The following PKHD1 variants were observed in gnomAD, a reference collection of about 807,000 sequenced individuals.
PKHD1 encodes the protein PKHD1 ciliary IPT domain containing fibrocystin/polyductin, also known as fibrocystin.
In PKHD1, 291 loss-of-function variants were observed where a neutral mutation model predicts 412.0. That is an observed-to-expected ratio of 0.71 (90% CI 0.64 to 0.78). PKHD1 has a LOEUF of 0.78. Ranked by LOEUF, PKHD1 falls within the 30% of genes least tolerant of loss-of-function variation. PKHD1 has a pLI of 0.00. For synonymous variants in PKHD1, 1,777 were observed against 1,821.5 expected (o/e 0.98, Z 0.62); for missense variants, 4,825 against 4,950.7 (o/e 0.97, Z 0.76).
intron 50 of PKHD1, among the ~76,000 whole-genome samples, chr6:51,843,289 T>A (rs368192103): frequency 6.6e-6 from 1 of 152,204 alleles, no homozygotes; most frequent in South Asian, 2.1e-4. Context: ...TGTCAGCAGA[T>A]GTAGCCAGTA....
At chr6:51,772,904 T>C (rs573193676) in intron 54 of PKHD1, 115 bp from the exon 55 acceptor site, 17 of 723,810 alleles carry the variant, frequency 2.3e-5, no homozygotes, top group African/African-American at 2.2e-4. Flanking sequence ...AGAATCTCTA[T>C]ATGAAGGTCC....
chr6:51,669,958 T>C (rs1235387902), intron 60 of PKHD1, among the ~76,000 whole-genome samples: 1 of 151,318 alleles, frequency 6.6e-6, no homozygotes, highest in African/African-American at 2.4e-5. Flanking sequence ...AGGAGAGCTT[T>C]ACTTCCAACT....
intron 35 of PKHD1, among the ~76,000 whole-genome samples, chr6:51,998,871 G>A (rs1049494835): frequency 6.6e-6 from 1 of 152,002 alleles, no homozygotes; most frequent in African/African-American, 2.4e-5. Flanking sequence ...TTACATTTAT[G>A]TTGGCTCCAT....
At chr6:51,978,665 G>A (rs1428051299) in intron 35 of PKHD1, among the ~76,000 whole-genome samples, 1 of 152,206 alleles carries the variant, frequency 6.6e-6, no homozygotes, top group African/African-American at 2.4e-5. Context: ...CCAAGCAGGA[G>A]AGGAGGTAAT....
chr6:51,831,763 C>A (rs2151516968), intron 51 of PKHD1, among the ~76,000 whole-genome samples: 1 of 152,286 alleles, frequency 6.6e-6, no homozygotes, highest in East Asian at 1.9e-4. Context: ...CAACCAGTTT[C>A]TATTGATTCT....
chr6:51,867,231 G>T lies in PKHD1; in HGVS notation c.7733+632C>A, dbSNP rs555180021. On this transcript the variant is annotated intron_variant, in intron 48 of 66. Transcript: ENST00000371117. The stretch of plus-strand genomic sequence containing the variant: ...TAAAAGACAGAACCCTAGACATTCA[G>T]CAATCATTACCTGGAAATTAAAGAG... Among the ~76,000 whole-genome samples the T allele has an allele frequency of 2.0e-4, 30 of 152,242 alleles. No homozygotes were observed. In the South Asian group the frequency reaches 6.0e-3, roughly 31 times the overall value.
intron 48 of PKHD1, among the ~76,000 whole-genome samples, chr6:51,860,169 A>C (rs545577458): frequency 9.8e-5 from 15 of 152,312 alleles, no homozygotes; most frequent in Admixed American, 4.6e-4. Flanking sequence ...CTTTTATCAC[A>C]GCTGATAGGA....
At chr6:51,989,901 G>GAGGAAGGAAGGAAAGA (rs1796696651) in intron 35 of PKHD1, among the ~76,000 whole-genome samples, 5 of 2,742 alleles carry the variant, frequency 1.8e-3, no homozygotes, top group Admixed American at 5.3e-3. Flanking sequence ...AGGAAGGAGG[G>GAGGAAGGAAGGAAAGA]AGGAAGGAAG....
At chr6:51,950,421 C>T (rs938201645) in intron 36 of PKHD1, among the ~76,000 whole-genome samples, 1 of 151,952 alleles carries the variant, frequency 6.6e-6, no homozygotes, top group Non-Finnish European at 1.5e-5. Flanking sequence ...GGTCTCATAG[C>T]CTTTGGGAAA....
At chr6:51,778,350 T>G (rs1791409902) in intron 53 of PKHD1, among the ~76,000 whole-genome samples, 2 of 152,138 alleles carry the variant, frequency 1.3e-5, no homozygotes, top group Non-Finnish European at 2.9e-5. Flanking sequence ...ATTCCGGATA[T>G]TTTCACATGC....
At chr6:51,785,893 C>A (rs1792773357) in intron 53 of PKHD1, among the ~76,000 whole-genome samples, 1 of 152,156 alleles carries the variant, frequency 6.6e-6, no homozygotes, top group South Asian at 2.1e-4. Flanking sequence ...ATTCATAAAT[C>A]TGCTTGTTCT....
In PKHD1 at chr6:51,659,980, AAAG is replaced by A; in HGVS notation, c.10157-14_10157-12del. The A allele has an allele frequency of 6.6e-7, 1 of 1,521,906 alleles. No individual in the cohort carries two copies. Among genetic ancestry groups the A allele is most frequent in the Non-Finnish European group, 9.1e-7 (1 of 1,097,808 alleles). 94.3% of individuals were successfully genotyped at this position (1,521,906 alleles called of 1,614,324 possible). A position where few individuals can be genotyped will look rare whatever the true frequency, so the allele number is the denominator to read the frequency against. Reference sequence around the variant, plus strand: ...CTTCTCTAAATGTACCTATAAAAGAAAAGAAGCAAAACAAGTGATATATGAATT... The same window carrying A: ...CTTCTCTAAATGTACCTATAAAAGAAAAGCAAAACAAGTGATATATGAATT... On this transcript the variant is annotated splice_polypyrimidine_tract_variant and intron_variant, in intron 60 of 66. Transcript: ENST00000371117.
intron 35 of PKHD1, among the ~76,000 whole-genome samples, chr6:51,974,632 C>T (rs1245007112): frequency 6.6e-6 from 1 of 152,092 alleles, no homozygotes; most frequent in African/African-American, 2.4e-5. Flanking sequence ...TATGTTCTCA[C>T]TCATATGTAG....
At chr6:51,778,689 T>C (rs1791470632) in intron 53 of PKHD1, among the ~76,000 whole-genome samples, 1 of 152,036 alleles carries the variant, frequency 6.6e-6, no homozygotes, top group African/African-American at 2.4e-5. Flanking sequence ...ATGGTACAAA[T>C]GGGTTCCAGG....
rs116650107 is a variant in PKHD1, at chr6:51,868,499, G to T, written c.7487-390C>A. On this transcript the variant is annotated intron_variant, in intron 47 of 66. Coordinates refer to ENST00000371117, the MANE Select transcript of PKHD1 (RefSeq NM_138694.4). ...CTAGTAGGTAGAAACCAGAGATGCTGCTAAATATCCTACAATGCACAGGAC... is the reference window on the plus strand; with the variant it reads ...CTAGTAGGTAGAAACCAGAGATGCTTCTAAATATCCTACAATGCACAGGAC... 4.3e-3 allele frequency among the ~76,000 whole-genome samples: 656 copies of T among 152,126 alleles called. 6 individuals are homozygous for T. Among genetic ancestry groups the T allele is most frequent in the African/African-American group, 0.015 (623 of 41,518 alleles).
intron 25 of PKHD1, 97 bp from the exon 26 acceptor site, chr6:52,043,827 T>A: frequency 2.5e-6 from 2 of 800,880 alleles, no homozygotes; most frequent in Non-Finnish European, 2.2e-6. Flanking sequence ...TGACACGTGT[T>A]CATGATTCGC....
At chr6:51,802,797 G>T (rs901748842) in intron 52 of PKHD1, among the ~76,000 whole-genome samples, 3 of 150,452 alleles carry the variant, frequency 2.0e-5, no homozygotes, top group African/African-American at 7.4e-5. Flanking sequence ...TTCTCTTTTT[G>T]TCTCTGCTTG....
At chr6:51,748,734 G>T (rs1178706826) in intron 57 of PKHD1, 69 bp from the exon 58 acceptor site, 2 of 1,297,658 alleles carry the variant, frequency 1.5e-6, no homozygotes, top group Non-Finnish European at 1.1e-6. Context: ...GGCCCATTTT[G>T]GGGCATTAAG....
At chr6:51,840,144 C>G (rs951706633) in intron 50 of PKHD1, among the ~76,000 whole-genome samples, 39 of 152,022 alleles carry the variant, frequency 2.6e-4, no homozygotes, top group African/African-American at 8.9e-4. Flanking sequence ...TGAATTTGAC[C>G]TCATTCCTCA....
Sources: gnomAD v4.1 joint callset for allele counts (sites outside exome capture counted in the v4.1 genomes callset) on GRCh38, gnomAD v4.1.1 for gene constraint, MANE v1.5 for transcripts, NCBI Gene and HGNC (gene_info 2026-07-23, HGNC 2026-07-21) for gene names.